The following FBP1 variants were observed in gnomAD, a reference collection of about 807,000 sequenced individuals.
The protein encoded by FBP1 is fructose-bisphosphatase 1.
A neutral mutation model predicts 29.9 loss-of-function variants in FBP1; 22 were observed. That is an observed-to-expected ratio of 0.74 (90% CI 0.53 to 1.05). The LOEUF is 1.05. Among genes scored for constraint, FBP1 ranks in the 50% least tolerant of loss-of-function variants. The pLI is 0.00. For missense variants in FBP1, 345 were observed against 448.2 expected (o/e 0.77, Z 2.08); for synonymous variants, 175 against 178.6 (o/e 0.98, Z 0.16).
At chr9:94,610,850 T>A (rs940247578) in intron 3 of FBP1, among the ~76,000 whole-genome samples, 1 of 148,402 alleles carries the variant, frequency 6.7e-6, no homozygotes, top group East Asian at 2.0e-4. Context: ...GATTTCTTAC[T>A]ATTAATGATT....
intron 4 of FBP1, among the ~76,000 whole-genome samples, chr9:94,609,436 G>A (rs955398824): frequency 1.3e-5 from 2 of 152,122 alleles, no homozygotes; most frequent in Admixed American, 6.5e-5. Flanking sequence ...ATTTTAGTTG[G>A]CCAACATAGT....
chr9:94,628,591 T>G (rs28402413), intron 1 of FBP1, among the ~76,000 whole-genome samples: 1 of 152,240 alleles, frequency 6.6e-6, no homozygotes, highest in African/African-American at 2.4e-5. Context: ...GGCAACAGAA[T>G]TTAAATGCCC....
rs1284753726 is a variant in FBP1, at chr9:94,612,549, A to ACTTTTTTTTTTTTTTTTT, written c.427-2489_427-2488insAAAAAAAAAAAAAAAAAG. Reference sequence around the variant, plus strand: ...GAATTCTTTTCTAGCCCAGCCCCCAATTTTTTTTTTTTTTTTTTTTTTTTT... The same window carrying ACTTTTTTTTTTTTTTTTT: ...GAATTCTTTTCTAGCCCAGCCCCCAACTTTTTTTTTTTTTTTTTTTTTTTTTTTTTTTTTTTTTTTTTT... On this transcript the variant is annotated intron_variant, in intron 3 of 6. Coordinates refer to ENST00000375326, the MANE Select transcript of FBP1 (RefSeq NM_000507.4). 3.7e-5 allele frequency among the ~76,000 whole-genome samples: 4 copies of ACTTTTTTTTTTTTTTTTT among 108,028 alleles called. 1 individual carries two copies. Among genetic ancestry groups the ACTTTTTTTTTTTTTTTTT allele is most frequent in the African/African-American group, 6.9e-5 (2 of 29,000 alleles). 70.9% of individuals were successfully genotyped at this position (108,028 alleles called of 152,430 possible).
intron 1 of FBP1, among the ~76,000 whole-genome samples, chr9:94,630,407 A>G (rs916609563): frequency 3.3e-5 from 5 of 152,176 alleles, no homozygotes; most frequent in African/African-American, 1.2e-4. Context: ...CGTTAGACAA[A>G]TGCAATGGCC....
chr9:94,609,886 C>G, intron 4 of FBP1, 35 bp downstream of exon 4: 1 of 1,612,620 alleles, frequency 6.2e-7, no homozygotes. Flanking sequence ...TCACAGACAC[C>G]AGCCAAGCCC....
At chr9:94,606,702 A>G (rs1827705019) in intron 5 of FBP1, 113 bp downstream of exon 5, 1 of 1,062,740 alleles carries the variant, frequency 9.4e-7, no homozygotes, top group Non-Finnish European at 1.4e-6. Context: ...ATGAGGCCCA[A>G]GGCCCTCGAT....
chr9:94,603,323 T>C lies in FBP1; in HGVS notation c.*58A>G. 1 of 1,389,420 alleles carries C rather than the reference T, an allele frequency of 7.2e-7. No individual in the cohort carries two copies. The highest frequency in any genetic ancestry group is 1.8e-5 in the Admixed American group (1 of 55,822). The allele number at this position is 1,389,420 out of a possible 1,614,324, so 86.1% of individuals were successfully genotyped here. On this transcript the variant is annotated 3_prime_UTR_variant, in exon 7 of 7. Transcript: ENST00000375326. ...GGTGCACAGCAGGTCAGGGTACTGC[T>C]GTGTGAGACAAAAGGTCCAGGTAGA...
At chr9:94,615,173 G>T (rs557687624) in intron 3 of FBP1, among the ~76,000 whole-genome samples, 1 of 152,318 alleles carries the variant, frequency 6.6e-6, no homozygotes, top group East Asian at 1.9e-4. Flanking sequence ...CTCCCAAAGT[G>T]CTGGGATTAC....
intron 3 of FBP1, among the ~76,000 whole-genome samples, chr9:94,612,137 C>G (rs767885606): frequency 1.7e-4 from 26 of 152,220 alleles, no homozygotes; most frequent in Non-Finnish European, 2.5e-4. Flanking sequence ...TGCCAATGCA[C>G]AACCTTGAAA....
At chr9:94,623,310 G>A (rs1479344500) in intron 1 of FBP1, among the ~76,000 whole-genome samples, 2 of 152,134 alleles carry the variant, frequency 1.3e-5, no homozygotes, top group Admixed American at 6.6e-5. Context: ...TTCTGATTCC[G>A]GAGGGCAAAT....
chr9:94,633,928 G>C (rs971894666), intron 1 of FBP1, among the ~76,000 whole-genome samples: 4 of 150,964 alleles, frequency 2.6e-5, no homozygotes, highest in African/African-American at 7.3e-5. Context: ...GGATGGTCTC[G>C]ATCTCCTGAC....
Position 94,624,199 on chromosome 9 carries a change from AT to A in FBP1, c.171-3709del, listed in dbSNP as rs28369674. On this transcript the variant is annotated intron_variant, in intron 1 of 6. Transcript: ENST00000375326. ...TAAAAACACAAAAAATTAGCCGGGC[AT>A]GGTGGCGGGCACCTGTAGTCCCAGC... 7.7e-3 allele frequency among the ~76,000 whole-genome samples: 1,175 copies of A among 151,892 alleles called. 16 individuals carry two copies. The highest frequency in any genetic ancestry group is 0.027 in the African/African-American group (1,102 of 41,412).
In FBP1 at chr9:94,625,035, GT is replaced by G. The variant is rs149837625; in HGVS notation, c.171-4545del. Among the ~76,000 whole-genome samples the G allele has an allele frequency of 7.4e-3, 1,123 of 152,078 alleles. 14 individuals are homozygous for G. The highest frequency in any genetic ancestry group is 0.026 in the African/African-American group (1,081 of 41,542). ...CCCAAACACAGGGGCACCGTGACTT[GT>G]TTTGTGGGATTAAATGAAAGTAGGC... is the stretch of plus-strand genomic sequence containing the variant. On this transcript the variant is annotated intron_variant, in intron 1 of 6. Coordinates refer to ENST00000375326, the MANE Select transcript of FBP1 (RefSeq NM_000507.4).
intron 1 of FBP1, among the ~76,000 whole-genome samples, chr9:94,621,813 G>A (rs563897154): frequency 9.9e-5 from 15 of 152,226 alleles, no homozygotes; most frequent in African/African-American, 1.7e-4. Flanking sequence ...AGCCTGGGTC[G>A]GGGGTAGCCT....
At position 94,621,213 on chromosome 9, in the gene FBP1, CAAAAAAA is replaced by C. The variant is rs57221045; in HGVS notation, c.171-729_171-723del. On this transcript the variant is annotated intron_variant, in intron 1 of 6. Coordinates refer to ENST00000375326, the MANE Select transcript of FBP1 (RefSeq NM_000507.4). ...TGGGCGACAGAGCGAGACTCCGTCT[CAAAAAAA>C]AAAAAAAAAAAAAAAAATACAAAAA... Among the ~76,000 whole-genome samples the C allele has an allele frequency of 3.9e-4, 17 of 43,988 alleles. No homozygotes were observed. In the South Asian group the frequency reaches 5.6e-3, roughly 14 times the overall value. The allele number at this position is 43,988 out of a possible 152,430, so 28.9% of individuals were successfully genotyped here.
chr9:94,603,170 C>T lies in FBP1; in HGVS notation c.*211G>A. ...AGGAATAAGTTTATTTCTCCTCCAT[C>T]CACTCAAAATATATCTTAACACCAG... On this transcript the variant is annotated 3_prime_UTR_variant, in exon 7 of 7. Transcript: ENST00000375326. 1.7e-6 allele frequency: 1 copy of T among 590,604 alleles called. No individual in the cohort carries two copies. Among genetic ancestry groups the T allele is most frequent in the Non-Finnish European group, 3.0e-6 (1 of 328,044 alleles). 36.6% of individuals were successfully genotyped at this position (590,604 alleles called of 1,614,324 possible).
chr9:94,617,846 GACCAC>G lies in FBP1; in HGVS notation c.343_347del (p.Val115LeufsTer3). On this transcript the variant is annotated frameshift_variant, in exon 3 of 7. Coordinates refer to ENST00000375326, the MANE Select transcript of FBP1 (RefSeq NM_000507.4). LOFTEE classifies it high-confidence loss of function. ...AAGATCCATCAAGGGGATCAAAACAGACCACATATTTACCCTGAGCACAGAAAAAA... is the reference window on the plus strand; with the variant it reads ...AAGATCCATCAAGGGGATCAAAACAGATATTTACCCTGAGCACAGAAAAAA... 17 of 1,613,018 alleles carry G rather than the reference GACCAC, an allele frequency of 1.1e-5. No individual in the cohort carries two copies. The highest frequency in any genetic ancestry group is 1.4e-5 in the Non-Finnish European group (17 of 1,179,074).
chr9:94,605,367 A>C, intron 6 of FBP1, 90 bp downstream of exon 6: 4 of 1,379,950 alleles, frequency 2.9e-6, no homozygotes, highest in Non-Finnish European at 4.0e-6. Flanking sequence ...GGAGCGTAAT[A>C]GCTAGCAAAA....
intron 4 of FBP1, among the ~76,000 whole-genome samples, chr9:94,608,123 A>C (rs1827727637): frequency 1.3e-5 from 2 of 152,218 alleles, no homozygotes; most frequent in South Asian, 4.1e-4. Flanking sequence ...AAAGGAGGAA[A>C]GTCTGTGTAC....
Sources: gnomAD v4.1 joint callset for allele counts (sites outside exome capture counted in the v4.1 genomes callset) on GRCh38, gnomAD v4.1.1 for gene constraint, MANE v1.5 for transcripts, NCBI Gene and HGNC (gene_info 2026-07-23, HGNC 2026-07-21) for gene names.